METAP1D: variants seen among roughly 807,000 people sequenced by gnomAD.
The protein encoded by METAP1D is methionine aminopeptidase 1D, mitochondrial.
In METAP1D, 31 loss-of-function variants were observed where a neutral mutation model predicts 40.5. The observed-to-expected ratio is 0.77, with a 90% CI of 0.58 to 1.03. METAP1D has a LOEUF of 1.03. Among genes scored for constraint, METAP1D ranks in the 50% least tolerant of loss-of-function variants. The probability of loss-of-function intolerance (pLI) is 0.00; values close to 1 mark genes in which losing one functional copy is unlikely to be tolerated. For synonymous variants in METAP1D, 151 were observed against 146.4 expected (o/e 1.03, Z -0.22); for missense variants, 411 against 420.7 (o/e 0.98, Z 0.20).
rs114896943 is a variant in METAP1D, at chr2:172,033,909, C to G, written c.41-27589C>G. On this transcript the variant is annotated intron_variant, in intron 1 of 9. Coordinates refer to ENST00000315796, the MANE Select transcript of METAP1D (RefSeq NM_199227.3). ...TGGCCAACATGGTGAAACCCTGTCT[C>G]AACTAAAAATACAAAACATTAGCTG... Among the ~76,000 whole-genome samples, 376 of 151,756 alleles carry G rather than the reference C, an allele frequency of 2.5e-3. 2 individuals carry two copies. The highest frequency in any genetic ancestry group is 4.5e-3 in the Non-Finnish European group (307 of 67,882).
At chr2:172,050,263 A>T (rs1689858869) in intron 1 of METAP1D, among the ~76,000 whole-genome samples, 1 of 152,214 alleles carries the variant, frequency 6.6e-6, no homozygotes, top group African/African-American at 2.4e-5. Context: ...AATGTAATTT[A>T]AAAATATATT....
At chr2:172,053,617 T>A (rs1276403072) in intron 1 of METAP1D, among the ~76,000 whole-genome samples, 3 of 152,240 alleles carry the variant, frequency 2.0e-5, no homozygotes, top group African/African-American at 7.2e-5. Flanking sequence ...CAATTAGATG[T>A]TAACATGCTA....
intron 9 of METAP1D, 53 bp downstream of exon 9, chr2:172,080,259 T>C: frequency 6.2e-7 from 1 of 1,613,894 alleles, no homozygotes; most frequent in South Asian, 1.1e-5. Context: ...GGAAGATTGG[T>C]CCGACGGCGC....
At chr2:172,012,192 C>T (rs1688744199) in intron 1 of METAP1D, among the ~76,000 whole-genome samples, 1 of 152,168 alleles carries the variant, frequency 6.6e-6, no homozygotes, top group Non-Finnish European at 1.5e-5. Flanking sequence ...CCTTATTCTC[C>T]TCAAACTAGC....
chr2:172,077,955 C>A, intron 7 of METAP1D, 61 bp downstream of exon 7: 2 of 915,438 alleles, frequency 2.2e-6, no homozygotes, highest in Non-Finnish European at 3.5e-6. Context: ...CAGCTTTGAC[C>A]CTGAAGCTCT....
At chr2:172,078,326 G>T (rs1249502927) in intron 7 of METAP1D, among the ~76,000 whole-genome samples, 1 of 152,176 alleles carries the variant, frequency 6.6e-6, no homozygotes, top group African/African-American at 2.4e-5. Context: ...GTTGACAGCT[G>T]ATGTATTTAG....
intron 1 of METAP1D, among the ~76,000 whole-genome samples, chr2:172,060,936 A>G (rs1291978204): frequency 6.6e-6 from 1 of 152,202 alleles, no homozygotes; most frequent in Non-Finnish European, 1.5e-5. Flanking sequence ...CAAACCCTAT[A>G]TTCATTTTCT....
intron 1 of METAP1D, among the ~76,000 whole-genome samples, chr2:172,054,473 C>T (rs1341926550): frequency 2.0e-5 from 3 of 151,832 alleles, no homozygotes; most frequent in African/African-American, 4.8e-5. Flanking sequence ...GAGCCGAGAT[C>T]GTGCTACTGC....
intron 6 of METAP1D, among the ~76,000 whole-genome samples, chr2:172,075,381 T>C (rs1016100450): frequency 2.6e-5 from 4 of 152,274 alleles, no homozygotes; most frequent in Non-Finnish European, 1.5e-5. Context: ...AGAAAACTCT[T>C]GTGCACAGAA....
chr2:172,059,041 C>A (rs1010746276), intron 1 of METAP1D, among the ~76,000 whole-genome samples: 5 of 152,090 alleles, frequency 3.3e-5, no homozygotes, highest in Non-Finnish European at 7.4e-5. Context: ...CCTCCATCAC[C>A]AGTTTCTATG....
chr2:172,076,871 C>T (rs1449672199), intron 6 of METAP1D, among the ~76,000 whole-genome samples: 2 of 152,212 alleles, frequency 1.3e-5, no homozygotes, highest in Non-Finnish European at 2.9e-5. Flanking sequence ...CCTTTGTCCA[C>T]ATGAAAATAT....
At chr2:172,062,424 G>C (rs1690161105) in intron 2 of METAP1D, among the ~76,000 whole-genome samples, 1 of 152,238 alleles carries the variant, frequency 6.6e-6, no homozygotes, top group South Asian at 2.1e-4. Context: ...ATCACAGTGA[G>C]AGTGAGAATT....
chr2:172,077,960 A>G (rs1024191277), intron 7 of METAP1D, 66 bp downstream of exon 7: 1 of 821,368 alleles, frequency 1.2e-6, no homozygotes, highest in Non-Finnish European at 2.0e-6. Context: ...TTGACCCTGA[A>G]GCTCTTCCTC....
intron 1 of METAP1D, among the ~76,000 whole-genome samples, chr2:172,009,649 T>C (rs1688665449): frequency 6.6e-6 from 1 of 152,180 alleles, no homozygotes; most frequent in Non-Finnish European, 1.5e-5. Context: ...AAGAAACTCT[T>C]ACTATACCTT....
At chr2:172,050,172 T>C (rs576812394) in intron 1 of METAP1D, among the ~76,000 whole-genome samples, 4 of 152,274 alleles carry the variant, frequency 2.6e-5, no homozygotes, top group African/African-American at 7.2e-5. Flanking sequence ...TCCAGCAATA[T>C]ACCTAGGGCA....
At chr2:172,043,038 T>C (rs1478326163) in intron 1 of METAP1D, among the ~76,000 whole-genome samples, 1 of 117,038 alleles carries the variant, frequency 8.5e-6, no homozygotes, top group Non-Finnish European at 2.0e-5. Context: ...TGTATATGTG[T>C]ACACGTGTAC....
rs200648163 is a variant in METAP1D, at chr2:172,044,888, CA to C, written c.41-16602del. 1.2e-4 allele frequency among the ~76,000 whole-genome samples: 13 copies of C among 107,696 alleles called. 1 individual carries two copies. The highest frequency in any genetic ancestry group is 6.0e-3 in the Middle Eastern group (1 of 168). 70.7% of individuals were successfully genotyped at this position (107,696 alleles called of 152,430 possible). Reference sequence around the variant, plus strand: ...TGGGTGACAGAACGAGACTTTATCTCAAAAAAAATAAATAAATAAATAAATC... The same window carrying C: ...TGGGTGACAGAACGAGACTTTATCTCAAAAAAATAAATAAATAAATAAATC... On this transcript the variant is annotated intron_variant, in intron 1 of 9. Transcript: ENST00000315796.
At chr2:172,035,062 G>C (rs1454736602) in intron 1 of METAP1D, among the ~76,000 whole-genome samples, 1 of 147,616 alleles carries the variant, frequency 6.8e-6, no homozygotes, top group Admixed American at 6.8e-5. Flanking sequence ...ATTTTATTGT[G>C]AAATATGTAG....
At chr2:172,070,165 C>G (rs796180481) in intron 5 of METAP1D, among the ~76,000 whole-genome samples, 5 of 152,256 alleles carry the variant, frequency 3.3e-5, no homozygotes, top group African/African-American at 9.6e-5. Flanking sequence ...CTTTCAAGAT[C>G]CTACTTGGCT....
Sources: allele counts gnomAD v4.1 joint callset (sites outside exome capture counted in the v4.1 genomes callset), GRCh38; gene constraint gnomAD v4.1.1; transcripts MANE v1.5; gene names NCBI Gene and HGNC (gene_info 2026-07-23, HGNC 2026-07-21).